Variants in SHANK2 observed in about 807,000 individuals in gnomAD.
The protein encoded by SHANK2 is SH3 and multiple ankyrin repeat domains protein 2.
A neutral mutation model predicts 133.7 loss-of-function variants in SHANK2; 43 were observed. The ratio of observed to expected loss-of-function variants is 0.32; its 90% CI spans 0.25 to 0.41. SHANK2 has a LOEUF of 0.41. Among genes scored for constraint, SHANK2 ranks in the 10% least tolerant of loss-of-function variants. SHANK2 has a pLI of 1.00. For missense variants in SHANK2, 1,994 were observed against 2,235.8 expected, an observed-to-expected ratio of 0.89 and a Z score of 2.18; for synonymous variants, 1,017 against 952.8, an observed-to-expected ratio of 1.07 and a Z score of -1.24.
chr11:71,190,114 C>A (rs1250408196), intron 2 of SHANK2, among the ~76,000 whole-genome samples: 1 of 152,242 alleles, frequency 6.6e-6, no homozygotes, highest in African/African-American at 2.4e-5. Context: ...GGCCCCAACC[C>A]CACGACTGAA....
chr11:70,741,586 C>A (rs782551029), intron 14 of SHANK2, among the ~76,000 whole-genome samples: 12 of 152,324 alleles, frequency 7.9e-5, no homozygotes, highest in Non-Finnish European at 1.6e-4. Context: ...TCATTGTTCC[C>A]AGCTGCCTGG....
Position 70,682,535 on chromosome 11 carries a change from G to A in SHANK2, c.1853+16153C>T, listed in dbSNP as rs374941414. On this transcript the variant is annotated intron_variant, in intron 15 of 25. Coordinates refer to ENST00000601538, the MANE Select transcript of SHANK2 (RefSeq NM_012309.5). ...CCAGCCATGCACAGTGGCCCCTTCT[G>A]GGAAGTGGGACCAGGAGGATGATAT... Among the ~76,000 whole-genome samples the A allele has an allele frequency of 1.3e-3, 192 of 152,346 alleles. 2 individuals are homozygous for A. Among genetic ancestry groups the A allele is most frequent in the African/African-American group, 4.5e-3 (186 of 41,578 alleles).
At chr11:70,513,930 G>A (rs2059236152) in intron 17 of SHANK2, among the ~76,000 whole-genome samples, 1 of 152,020 alleles carries the variant, frequency 6.6e-6, no homozygotes, top group Non-Finnish European at 1.5e-5. Context: ...AGTCAAAGAA[G>A]ACAGAGAAAA....
chr11:70,509,744 C>T (rs1200367901), intron 17 of SHANK2, among the ~76,000 whole-genome samples: 2 of 151,606 alleles, frequency 1.3e-5, no homozygotes, highest in Admixed American at 6.5e-5. Context: ...CATCATGAGG[C>T]GGAGCCTTCG....
At chr11:71,177,872 C>T (rs77310001) in intron 2 of SHANK2, among the ~76,000 whole-genome samples, 2,595 of 152,150 alleles carry the variant, frequency 0.017, 41 homozygotes, top group Non-Finnish European at 0.025. Flanking sequence ...CAATGAGATA[C>T]CACTTTATAT....
chr11:70,803,971 G>A lies in SHANK2; in HGVS notation c.1663+3031C>T, dbSNP rs114887553. Among the ~76,000 whole-genome samples, 143 of 152,210 alleles carry A rather than the reference G, an allele frequency of 9.4e-4. 1 individual carries two copies. The highest frequency in any genetic ancestry group is 3.3e-3 in the African/African-American group (137 of 41,548). ...CGTCAACCCCTTCCCAAATGGGACC[G>A]AGCGGAGGAGATGTAAATTAACCTT... is the stretch of plus-strand genomic sequence containing the variant. On this transcript the variant is annotated intron_variant, in intron 13 of 25. Coordinates refer to ENST00000601538, the MANE Select transcript of SHANK2 (RefSeq NM_012309.5).
intron 17 of SHANK2, among the ~76,000 whole-genome samples, chr11:70,590,900 A>C (rs2060312646): frequency 1.3e-5 from 2 of 152,240 alleles, no homozygotes; most frequent in Non-Finnish European, 2.9e-5. Context: ...TCCTGGAGTT[A>C]ACGAGGCTCC....
At chr11:71,076,363 T>C (rs1951219608) in intron 8 of SHANK2, among the ~76,000 whole-genome samples, 1 of 152,182 alleles carries the variant, frequency 6.6e-6, no homozygotes, top group Admixed American at 6.5e-5. Context: ...CTACTGCTAA[T>C]TGAGACAGAT....
chr11:71,221,354 A>T (rs939844721), intron 2 of SHANK2, among the ~76,000 whole-genome samples: 3 of 152,192 alleles, frequency 2.0e-5, no homozygotes, highest in Admixed American at 6.5e-5. Flanking sequence ...CTGGTTGGGC[A>T]CAAGGCAGTG....
intron 1 of SHANK2, among the ~76,000 whole-genome samples, chr11:71,241,231 A>C (rs941306470): frequency 4.6e-5 from 7 of 152,242 alleles, no homozygotes; most frequent in Admixed American, 2.6e-4. Flanking sequence ...CAAGATCCTG[A>C]AAACAACCCA....
chr11:70,893,079 G>T (rs559906722), intron 11 of SHANK2, among the ~76,000 whole-genome samples: 3 of 152,312 alleles, frequency 2.0e-5, no homozygotes, highest in Admixed American at 6.5e-5. Context: ...ATGTCGCCTA[G>T]GCTCTTCTAC....
At chr11:71,085,952 ATAT>A (rs1951396337) in intron 8 of SHANK2, among the ~76,000 whole-genome samples, 3 of 6,964 alleles carry the variant, frequency 4.3e-4, no homozygotes, top group Non-Finnish European at 1.3e-3. Flanking sequence ...TATGTTATAT[ATAT>A]TATGTTATAT....
At chr11:70,606,472 G>A (rs1440644717) in intron 17 of SHANK2, among the ~76,000 whole-genome samples, 1 of 114,640 alleles carries the variant, frequency 8.7e-6, no homozygotes, top group Admixed American at 1.2e-4. Flanking sequence ...TTGTACCACT[G>A]AACTCCAGCA....
At position 70,533,428 on chromosome 11, in the gene SHANK2, C is replaced by T. The variant is rs151039061; in HGVS notation, c.2062-30497G>A. The stretch of plus-strand genomic sequence containing the variant: ...GACAATCGATTCAAGGTCTCAAATA[C>T]AGAGACTCCTAGGTGCAAATTCTAC... On this transcript the variant is annotated intron_variant, in intron 17 of 25. Transcript: ENST00000601538. Among the ~76,000 whole-genome samples, 671 of 152,198 alleles carry T rather than the reference C, an allele frequency of 4.4e-3. 2 individuals carry two copies. Among genetic ancestry groups the T allele is most frequent in the Middle Eastern group, 0.017 (5 of 294 alleles).
chr11:70,906,869 G>A (rs1950112237), intron 10 of SHANK2, among the ~76,000 whole-genome samples: 1 of 152,162 alleles, frequency 6.6e-6, no homozygotes, highest in Non-Finnish European at 1.5e-5. Flanking sequence ...CCATCCCCAG[G>A]CTAAAACCCA....
intron 14 of SHANK2, among the ~76,000 whole-genome samples, chr11:70,768,337 C>T (rs577834925): frequency 6.6e-6 from 1 of 152,356 alleles, no homozygotes; most frequent in South Asian, 2.1e-4. Flanking sequence ...AAGTCCCCAG[C>T]ATCACCTGAG....
intron 11 of SHANK2, among the ~76,000 whole-genome samples, chr11:70,894,395 C>G (rs1416034467): frequency 1.3e-5 from 2 of 152,130 alleles, no homozygotes; most frequent in Non-Finnish European, 2.9e-5. Flanking sequence ...CTATGTTGGC[C>G]AGGCTGGTTT....
chr11:70,506,828 C>G (rs782777028), intron 17 of SHANK2, among the ~76,000 whole-genome samples: 21 of 152,128 alleles, frequency 1.4e-4, no homozygotes, highest in Non-Finnish European at 2.8e-4. Flanking sequence ...GCCTCTCTAG[C>G]GGGGTGTCCT....
Position 70,502,774 on chromosome 11 carries a change from C to T in SHANK2, c.2197+22G>A, listed in dbSNP as rs782520445. 15 of 905,686 alleles carry T rather than the reference C, an allele frequency of 1.7e-5. No homozygotes were observed. The Admixed American group carries it at 2.0e-4, about 12-fold the overall frequency. 56.1% of individuals were successfully genotyped at this position (905,686 alleles called of 1,614,324 possible). ...CCCCCAGTAGGGCCCCAGGCTGGAG[C>T]TGGGCGATGTGGGGCATGTACCTTT... On this transcript the variant is annotated intron_variant, in intron 18 of 25. Coordinates refer to ENST00000601538, the MANE Select transcript of SHANK2 (RefSeq NM_012309.5).
Sources: allele counts gnomAD v4.1 joint callset (sites outside exome capture counted in the v4.1 genomes callset), GRCh38; gene constraint gnomAD v4.1.1; transcripts MANE v1.5; gene names NCBI Gene and HGNC (gene_info 2026-07-23, HGNC 2026-07-21).